The following TCF12 variants were observed in gnomAD, a reference collection of about 807,000 sequenced individuals.
TCF12 encodes the protein transcription factor 12.
Under a neutral mutation model 86.0 loss-of-function variants are expected in TCF12, and 45 were observed. The observed-to-expected ratio is 0.52, with a 90% CI of 0.41 to 0.67. The LOEUF (loss-of-function observed/expected upper bound fraction) is 0.67. TCF12 is among the 30% of genes least tolerant of loss of function. The pLI is 0.00. For missense variants in TCF12, 881 were observed against 859.9 expected (o/e 1.02, Z -0.31); for synonymous variants, 330 against 299.6 (o/e 1.10, Z -1.05).
chr15:57,119,021 T>C (rs1318842879), intron 5 of TCF12, among the ~76,000 whole-genome samples: 1 of 152,234 alleles, frequency 6.6e-6, no homozygotes, highest in African/African-American at 2.4e-5. Context: ...TTTTATCATG[T>C]ACTGTGATAG....
chr15:57,170,764 TATATATTATATATAATATA>T (rs1567559741), intron 6 of TCF12, among the ~76,000 whole-genome samples: 22 of 14,050 alleles, frequency 1.6e-3, no homozygotes, highest in African/African-American at 4.4e-3. Context: ...ATATATTATA[TATATATTATATATAATATA>T]TATATATAAT....
At chr15:57,123,894 CG>C (rs1303594463) in intron 5 of TCF12, among the ~76,000 whole-genome samples, 1 of 148,586 alleles carries the variant, frequency 6.7e-6, no homozygotes, top group Non-Finnish European at 1.5e-5. Flanking sequence ...CGGGTGAACC[CG>C]GGAGTCAGAG....
At chr15:57,190,118 C>T (rs1325754539) in intron 6 of TCF12, among the ~76,000 whole-genome samples, 2 of 152,036 alleles carry the variant, frequency 1.3e-5, no homozygotes, top group Non-Finnish European at 2.9e-5. Context: ...TCTGGAATTT[C>T]GTTTTGGGGT....
chr15:57,196,434 A>G (rs1263677184), intron 7 of TCF12, among the ~76,000 whole-genome samples: 1 of 152,312 alleles, frequency 6.6e-6, no homozygotes, highest in East Asian at 1.9e-4. Context: ...AATCCCACTG[A>G]TACTGAGGAA....
intron 6 of TCF12, among the ~76,000 whole-genome samples, chr15:57,170,236 C>T (rs1484469874): frequency 1.3e-5 from 2 of 151,980 alleles, no homozygotes; most frequent in South Asian, 4.2e-4. Context: ...TACCTTCCTT[C>T]ATTTTTATTT....
Position 57,251,358 on chromosome 15 carries a change from C to A in TCF12, c.1123C>A (p.Gln375Lys). 1 of 1,613,864 alleles carries A rather than the reference C, an allele frequency of 6.2e-7. No homozygotes were observed. The highest frequency in any genetic ancestry group is 1.1e-5 in the South Asian group (1 of 91,054). Residue 375 changes from glutamine to lysine, a missense_variant, in exon 14 of 21, where the codon CAG becomes AAG. Gln to Lys is a moderately conservative substitution (Grantham distance 53). Transcript: ENST00000333725. Reference protein sequence around the residue: ...GSPSPLTGTSQWPRPGGQAPS... With the variant: ...GSPSPLTGTSKWPRPGGQAPS... The stretch of plus-strand genomic sequence containing the variant: ...CTTTTGGGTTTTAACAGGTACCAGT[C>A]AGTGGCCAAGACCTGGAGGGCAAGC...
chr15:57,111,828 A>G (rs79870622), intron 5 of TCF12, among the ~76,000 whole-genome samples: 1 of 152,078 alleles, frequency 6.6e-6, no homozygotes, highest in Non-Finnish European at 1.5e-5. Context: ...CCAGAGCTCA[A>G]GCAGTCCACT....
At chr15:56,961,169 CA>C (rs1352181711) in intron 3 of TCF12, among the ~76,000 whole-genome samples, 3 of 151,534 alleles carry the variant, frequency 2.0e-5, no homozygotes, top group African/African-American at 7.3e-5. Flanking sequence ...TAAGTACCTA[CA>C]GTATGCTAGC....
chr15:56,984,382 C>CTCAGGTTTGG (rs1227080300), intron 3 of TCF12, among the ~76,000 whole-genome samples: 1 of 151,282 alleles, frequency 6.6e-6, no homozygotes, highest in African/African-American at 2.4e-5. Context: ...CTTGTGCTAG[C>CTCAGGTTTGG]TCAGGTTTGG....
intron 3 of TCF12, among the ~76,000 whole-genome samples, chr15:56,969,479 C>T (rs1312689053): frequency 8.6e-5 from 13 of 150,398 alleles, no homozygotes; most frequent in African/African-American, 3.2e-4. Flanking sequence ...TTTTTTGAGA[C>T]ATATGATTCG....
chr15:56,951,393 T>G (rs2061268924), intron 3 of TCF12, among the ~76,000 whole-genome samples: 1 of 152,180 alleles, frequency 6.6e-6, no homozygotes, highest in African/African-American at 2.4e-5. Flanking sequence ...AAAATTAGGT[T>G]GTTTGTTTTT....
intron 16 of TCF12, among the ~76,000 whole-genome samples, chr15:57,260,993 G>T (rs2060560838): frequency 6.6e-6 from 1 of 152,078 alleles, no homozygotes; most frequent in African/African-American, 2.4e-5. Flanking sequence ...TCTGAAAGTG[G>T]GAAGTAGGAT....
intron 6 of TCF12, among the ~76,000 whole-genome samples, chr15:57,191,623 G>A (rs555710301): frequency 6.6e-6 from 1 of 152,188 alleles, no homozygotes; most frequent in African/African-American, 2.4e-5. Context: ...AAGATTTTAT[G>A]GATCTACATA....
chr15:57,215,412 C>A (rs1229448810), intron 8 of TCF12, among the ~76,000 whole-genome samples: 7 of 152,110 alleles, frequency 4.6e-5, no homozygotes, highest in Non-Finnish European at 1.0e-4. Context: ...TTATTACTTA[C>A]CGAGTTCATC....
chr15:57,021,760 C>G (rs771241423), intron 3 of TCF12, among the ~76,000 whole-genome samples: 3 of 150,778 alleles, frequency 2.0e-5, no homozygotes, highest in African/African-American at 4.9e-5. Context: ...TTTTTTTCAA[C>G]CAAGCGTGAA....
At chr15:56,966,366 G>A (rs1197352906) in intron 3 of TCF12, among the ~76,000 whole-genome samples, 3 of 152,064 alleles carry the variant, frequency 2.0e-5, no homozygotes, top group Non-Finnish European at 4.4e-5. Flanking sequence ...GGCAAAAACC[G>A]CAGTTACTTT....
At chr15:57,186,617 T>A (rs2151677504) in intron 6 of TCF12, among the ~76,000 whole-genome samples, 1 of 152,336 alleles carries the variant, frequency 6.6e-6, no homozygotes, top group Middle Eastern at 3.4e-3. Flanking sequence ...GAAGCCAGCA[T>A]AATTCTGATA....
At chr15:57,022,251 T>C (rs1272199734) in intron 3 of TCF12, among the ~76,000 whole-genome samples, 1 of 152,020 alleles carries the variant, frequency 6.6e-6, no homozygotes, top group East Asian at 1.9e-4. Context: ...CGGTGTGTGA[T>C]GTTCCCCATC....
intron 3 of TCF12, among the ~76,000 whole-genome samples, chr15:56,977,890 C>G (rs929905913): frequency 2.0e-5 from 3 of 152,098 alleles, no homozygotes; most frequent in Admixed American, 1.3e-4. Flanking sequence ...TCAGAGTTTT[C>G]AACTTACTGG....
Sources: gnomAD v4.1 joint callset for allele counts (sites outside exome capture counted in the v4.1 genomes callset) on GRCh38, gnomAD v4.1.1 for gene constraint, MANE v1.5 for transcripts, NCBI Gene and HGNC (gene_info 2026-07-23, HGNC 2026-07-21) for gene names.